BRINP1: variants seen among roughly 807,000 people sequenced by gnomAD.
The protein encoded by BRINP1 is BMP/retinoic acid-inducible neural-specific protein 1.
In BRINP1, 17 loss-of-function variants were observed where a neutral mutation model predicts 72.9. That is an observed-to-expected ratio of 0.23 (90% CI 0.16 to 0.35). The LOEUF is 0.35. BRINP1 is among the 10% of genes least tolerant of loss of function. The pLI is 1.00. For synonymous variants in BRINP1, 418 were observed against 378.5 expected, an observed-to-expected ratio of 1.10 and a Z score of -1.21; for missense variants, 850 against 1,001.6, an observed-to-expected ratio of 0.85 and a Z score of 2.04.
intron 5 of BRINP1, among the ~76,000 whole-genome samples, chr9:119,238,137 T>C (rs889352008): frequency 6.6e-6 from 1 of 152,062 alleles, no homozygotes; most frequent in Non-Finnish European, 1.5e-5. Context: ...TCTTCACATG[T>C]GAAAAATTAA....
At chr9:119,180,136 T>A (rs1829536340) in intron 7 of BRINP1, among the ~76,000 whole-genome samples, 1 of 152,072 alleles carries the variant, frequency 6.6e-6, no homozygotes, top group South Asian at 2.1e-4. Flanking sequence ...TTAGGGGAGA[T>A]CATACAAATC....
At chr9:119,189,193 A>G (rs915457838) in intron 7 of BRINP1, among the ~76,000 whole-genome samples, 1 of 152,150 alleles carries the variant, frequency 6.6e-6, no homozygotes, top group African/African-American at 2.4e-5. Context: ...CACAAATGAG[A>G]AAAAGAAAGA....
At chr9:119,310,794 C>T (rs993561266) in intron 2 of BRINP1, among the ~76,000 whole-genome samples, 1 of 152,152 alleles carries the variant, frequency 6.6e-6, no homozygotes, top group African/African-American at 2.4e-5. Context: ...ACAATGGAAA[C>T]TGCCTATGGA....
At chr9:119,200,173 G>T (rs1037987658) in intron 7 of BRINP1, among the ~76,000 whole-genome samples, 1 of 152,202 alleles carries the variant, frequency 6.6e-6, no homozygotes, top group Non-Finnish European at 1.5e-5. Context: ...AATAATCTAT[G>T]TGTGCATTCA....
At chr9:119,345,468 A>G (rs1306053314) in intron 1 of BRINP1, among the ~76,000 whole-genome samples, 2 of 152,208 alleles carry the variant, frequency 1.3e-5, no homozygotes, top group African/African-American at 4.8e-5. Flanking sequence ...GAAAGAGGAA[A>G]ATAAGTGGCT....
chr9:119,331,979 G>C (rs915641302), intron 1 of BRINP1, among the ~76,000 whole-genome samples: 3 of 152,204 alleles, frequency 2.0e-5, no homozygotes, highest in African/African-American at 7.2e-5. Flanking sequence ...CTGAGCTGGG[G>C]AGGAAGATCA....
At chr9:119,339,116 TAG>T (rs1300180242) in intron 1 of BRINP1, among the ~76,000 whole-genome samples, 2 of 152,308 alleles carry the variant, frequency 1.3e-5, no homozygotes, top group Non-Finnish European at 2.9e-5. Flanking sequence ...AAGAGTAGAA[TAG>T]GTTTTCTATA....
intron 2 of BRINP1, among the ~76,000 whole-genome samples, chr9:119,305,235 T>A (rs987477758): frequency 3.3e-5 from 5 of 152,254 alleles, no homozygotes; most frequent in Admixed American, 3.3e-4. Context: ...TATTTTTATC[T>A]ATATTTCCAG....
chr9:119,297,582 T>C (rs563734427), intron 2 of BRINP1, among the ~76,000 whole-genome samples: 1 of 152,364 alleles, frequency 6.6e-6, no homozygotes, highest in East Asian at 1.9e-4. Flanking sequence ...TAGCTAATAA[T>C]ACCATATTCT....
chr9:119,228,080 C>G (rs1588170634), intron 5 of BRINP1, among the ~76,000 whole-genome samples: 1 of 152,034 alleles, frequency 6.6e-6, no homozygotes, highest in Non-Finnish European at 1.5e-5. Context: ...ATTACCGACA[C>G]TACTCTTCAT....
chr9:119,328,682 T>A (rs778521950), intron 1 of BRINP1, among the ~76,000 whole-genome samples: 1 of 152,030 alleles, frequency 6.6e-6, no homozygotes, highest in Non-Finnish European at 1.5e-5. Flanking sequence ...AAAACCCAAA[T>A]TACAAAACAA....
At chr9:119,202,064 G>A (rs1038982389) in intron 7 of BRINP1, among the ~76,000 whole-genome samples, 3 of 152,058 alleles carry the variant, frequency 2.0e-5, no homozygotes, top group East Asian at 3.9e-4. Context: ...ATCTTGTCTC[G>A]GAGATTGGTA....
intron 2 of BRINP1, among the ~76,000 whole-genome samples, chr9:119,275,278 T>C (rs1208931015): frequency 2.0e-5 from 3 of 152,246 alleles, no homozygotes; most frequent in Admixed American, 6.5e-5. Context: ...CTGTAGTTTG[T>C]TAACATCAAA....
At chr9:119,311,470 G>T (rs2118993113) in intron 2 of BRINP1, among the ~76,000 whole-genome samples, 1 of 152,286 alleles carries the variant, frequency 6.6e-6, no homozygotes, top group South Asian at 2.1e-4. Context: ...TATAAGGGAG[G>T]TGTAGGGCTC....
At chr9:119,250,130 G>C (rs1241048784) in intron 2 of BRINP1, among the ~76,000 whole-genome samples, 1 of 122,130 alleles carries the variant, frequency 8.2e-6, no homozygotes, top group Non-Finnish European at 1.8e-5. Context: ...GGGAAGGAGG[G>C]AGGGAGGGAG....
At chr9:119,181,367 T>C (rs1829555731) in intron 7 of BRINP1, among the ~76,000 whole-genome samples, 1 of 152,138 alleles carries the variant, frequency 6.6e-6, no homozygotes, top group South Asian at 2.1e-4. Context: ...AGAGAGTAAG[T>C]TAAATAAGTG....
chr9:119,254,545 T>C (rs1387981054), intron 2 of BRINP1, among the ~76,000 whole-genome samples: 2 of 152,122 alleles, frequency 1.3e-5, no homozygotes, highest in Non-Finnish European at 2.9e-5. Context: ...AGAAAAATAA[T>C]ATCAAAAGAT....
chr9:119,323,176 CA>C (rs1268139794), intron 1 of BRINP1, among the ~76,000 whole-genome samples: 1 of 152,154 alleles, frequency 6.6e-6, no homozygotes, highest in East Asian at 1.9e-4. Flanking sequence ...CCCCTCACCT[CA>C]AGCTTCCACA....
rs1288604279 is a variant in BRINP1, at chr9:119,208,989, C to A, written c.923-48G>T. 3 of 1,503,586 alleles carry A rather than the reference C, an allele frequency of 2.0e-6. No homozygotes were observed. The African/African-American group carries it at 4.1e-5, about 21-fold the overall frequency. The allele number at this position is 1,503,586 out of a possible 1,614,324, so 93.1% of individuals were successfully genotyped here. On this transcript the variant is annotated intron_variant, in intron 6 of 7. Coordinates refer to ENST00000265922, the MANE Select transcript of BRINP1 (RefSeq NM_014618.3). ...AGAGAAGGGCTAAGCATGATAACAC[C>A]CATCTAAAGTGGCCTTGAATGCTTA...
Sources: allele counts gnomAD v4.1 joint callset (sites outside exome capture counted in the v4.1 genomes callset), GRCh38; gene constraint gnomAD v4.1.1; transcripts MANE v1.5; gene names NCBI Gene and HGNC (gene_info 2026-07-23, HGNC 2026-07-21).